The following COG3 variants were observed in gnomAD, a reference collection of about 807,000 sequenced individuals.
COG3 encodes component of oligomeric golgi complex 3.
In COG3, 32 loss-of-function variants were observed where a neutral mutation model predicts 114.1. The observed-to-expected ratio is 0.28, with a 90% confidence interval of 0.21 to 0.38. The LOEUF (loss-of-function observed/expected upper bound fraction) is 0.38, where lower values mean the gene tolerates loss of function less well. COG3 is among the 10% of genes least tolerant of loss of function. The pLI is 1.00. For synonymous variants in COG3, 352 were observed against 365.7 expected, an observed-to-expected ratio of 0.96 and a Z score of 0.43; for missense variants, 813 against 973.2, an observed-to-expected ratio of 0.84 and a Z score of 2.19.
At chr13:45,470,512 T>C (rs537868515) in intron 1 of COG3, among the ~76,000 whole-genome samples, 11 of 152,354 alleles carry the variant, frequency 7.2e-5, no homozygotes, top group African/African-American at 2.6e-4. Flanking sequence ...TGAACTCTGA[T>C]GGGAGAATAT....
intron 15 of COG3, among the ~76,000 whole-genome samples, chr13:45,510,760 C>T (rs141379969): frequency 2.0e-5 from 3 of 152,210 alleles, no homozygotes; most frequent in East Asian, 1.9e-4. Flanking sequence ...TTAGTCTTAC[C>T]GATCAAAGGT....
chr13:45,478,938 A>AG, intron 2 of COG3, 67 bp from the exon 3 acceptor site: 1 of 1,084,636 alleles, frequency 9.2e-7, no homozygotes, highest in Non-Finnish European at 1.4e-6. Flanking sequence ...CTTGCTGCTT[A>AG]GCATGTAGCC....
rs1164799114 is a variant in COG3, at chr13:45,535,309, TTGATG to T, written c.*582_*586del. 1.2e-5 allele frequency: 12 copies of T among 985,274 alleles called. No homozygotes were observed. The highest frequency in any genetic ancestry group is 1.3e-5 in the Non-Finnish European group (11 of 829,956). 61.0% of individuals were successfully genotyped at this position (985,274 alleles called of 1,614,324 possible). A position where few individuals can be genotyped will look rare whatever the true frequency, so the allele number is the denominator to read the frequency against. Reference sequence around the variant, plus strand: ...GTCGGGGTGTCATCCTTTCCTCTGTTTGATGTGAGGTAGTTTAAAGATACAAGGAC... The same window carrying T: ...GTCGGGGTGTCATCCTTTCCTCTGTTTGAGGTAGTTTAAAGATACAAGGAC... On this transcript the variant is annotated 3_prime_UTR_variant, in exon 23 of 23. Coordinates refer to ENST00000349995, the MANE Select transcript of COG3 (RefSeq NM_031431.4).
chr13:45,504,106 G>T (rs146190941), intron 14 of COG3, among the ~76,000 whole-genome samples: 2 of 152,062 alleles, frequency 1.3e-5, no homozygotes, highest in African/African-American at 4.8e-5. Flanking sequence ...GCCCTAAAGC[G>T]TAGCTCCCCA....
intron 19 of COG3, among the ~76,000 whole-genome samples, chr13:45,522,755 A>G (rs1258842073): frequency 1.3e-5 from 2 of 152,240 alleles, no homozygotes; most frequent in African/African-American, 2.4e-5. Flanking sequence ...GTAGAGGCTC[A>G]TATGAAAACA....
At chr13:45,521,939 A>T (rs1872198543) in intron 19 of COG3, among the ~76,000 whole-genome samples, 1 of 151,720 alleles carries the variant, frequency 6.6e-6, no homozygotes. Flanking sequence ...AGTAGCTGAG[A>T]TTACAGGTGT....
rs1293172037 is a variant in COG3, at chr13:45,481,138, C to CT, written c.550-91dup. 2.9e-5 allele frequency: 21 copies of CT among 722,212 alleles called. No individual in the cohort carries two copies. The African/African-American group carries it at 3.6e-4, about 12-fold the overall frequency. 44.7% of individuals were successfully genotyped at this position (722,212 alleles called of 1,614,324 possible). On this transcript the variant is annotated intron_variant, in intron 4 of 22. Coordinates refer to ENST00000349995, the MANE Select transcript of COG3 (RefSeq NM_031431.4). Reference sequence around the variant, plus strand: ...TCATATCTGATATAAACCTCTGTGTCTAATGTAAATCTGTTTAGTGTAACT... The same window carrying CT: ...TCATATCTGATATAAACCTCTGTGTCTTAATGTAAATCTGTTTAGTGTAACT...
At chr13:45,491,289 T>C in intron 9 of COG3, 123 bp from the exon 10 acceptor site, 2 of 896,308 alleles carry the variant, frequency 2.2e-6, no homozygotes, top group Non-Finnish European at 3.4e-6. Flanking sequence ...ATAGTTAATG[T>C]GGGCAAATGA....
intron 13 of COG3, among the ~76,000 whole-genome samples, chr13:45,502,033 G>C (rs1235249270): frequency 6.6e-6 from 1 of 152,138 alleles, no homozygotes; most frequent in African/African-American, 2.4e-5. Flanking sequence ...GCAGGCAGTG[G>C]GGGCTGTTTC....
chr13:45,480,259 A>G lies in COG3; in HGVS notation c.518A>G (p.His173Arg), dbSNP rs756904905. 5.6e-6 allele frequency: 9 copies of G among 1,613,652 alleles called. No individual in the cohort carries two copies. The Admixed American group carries it at 1.0e-4, about 18-fold the overall frequency. The part of the protein sequence containing the change: ...LFVSNKTGTL[H>R]EACEQLLKEQ... ...GTGTCCAATAAGACAGGAACCCTAC[A>G]TGAAGCCTGTGAACAGCTCCTAAAA... The change falls in exon 4 of 23, where the codon CAT (histidine) becomes CGT (arginine). Residue 173 changes from histidine (H) to arginine (R), a missense_variant. His to Arg is a conservative substitution (Grantham distance 29). Around this residue, in one of 2 missense-constraint regions of COG3, gnomAD observed 424 missense variants for 430.6 expected, o/e 0.98. Coordinates refer to ENST00000349995, the MANE Select transcript of COG3 (RefSeq NM_031431.4).
chr13:45,534,803 G>A lies in COG3; in HGVS notation c.*72G>A. The A allele has an allele frequency of 6.7e-7, 1 of 1,499,124 alleles. No individual in the cohort carries two copies. Among genetic ancestry groups the A allele is most frequent in the Non-Finnish European group, 8.9e-7 (1 of 1,125,906 alleles). The allele number at this position is 1,499,124 out of a possible 1,614,324, so 92.9% of individuals were successfully genotyped here. On this transcript the variant is annotated 3_prime_UTR_variant, in exon 23 of 23. Transcript: ENST00000349995. ...GGCTGAGAAGTCTTGCAGTCTGCAG[G>A]ACACCGAGGAATCGTATGTGGGAAC...
intron 13 of COG3, among the ~76,000 whole-genome samples, chr13:45,500,488 TATTTAGACTGCTTTTC>T (rs1323934976): frequency 1.3e-5 from 2 of 152,246 alleles, no homozygotes; most frequent in Non-Finnish European, 2.9e-5. Flanking sequence ...ATCCTGTTTC[TATTTAGACTGCTTTTC>T]TTGGATGTCA....
rs568623334 is a variant in COG3 at position 45,489,073 on chromosome 13, G to C, written c.925-1842G>C. On this transcript the variant is annotated intron_variant, in intron 8 of 22. Coordinates refer to ENST00000349995, the MANE Select transcript of COG3 (RefSeq NM_031431.4). ...CACGGTGGTGTGCACCTGTGGTCCGGCTACTTGGGAGGCTGAGGTGGGAGG... is the reference window on the plus strand; with the variant it reads ...CACGGTGGTGTGCACCTGTGGTCCGCCTACTTGGGAGGCTGAGGTGGGAGG... Among the ~76,000 whole-genome samples the C allele has an allele frequency of 1.4e-4, 21 of 150,952 alleles. No homozygotes were observed. In the South Asian group the frequency reaches 2.3e-3, roughly 17 times the overall value.
At chr13:45,468,161 A>G (rs1191650014) in intron 1 of COG3, among the ~76,000 whole-genome samples, 1 of 152,222 alleles carries the variant, frequency 6.6e-6, no homozygotes, top group Non-Finnish European at 1.5e-5. Context: ...ACATTTACCT[A>G]TAATTTACTG....
chr13:45,493,556 T>A, intron 12 of COG3, 70 bp downstream of exon 12: 2 of 1,389,120 alleles, frequency 1.4e-6, no homozygotes, highest in East Asian at 4.6e-5. Flanking sequence ...AAATAAGTGC[T>A]TCTTCCCTCA....
intron 7 of COG3, among the ~76,000 whole-genome samples, chr13:45,486,238 C>A (rs373434371): frequency 6.9e-6 from 1 of 143,894 alleles, no homozygotes; most frequent in Admixed American, 6.7e-5. Context: ...TGCAGTGAGC[C>A]GAGATGGCAG....
Position 45,481,298 on chromosome 13 carries a change from TAACAC to T in COG3, c.620_624del (p.Asn207LysfsTer11), listed in dbSNP as rs1352148782. The T allele has an allele frequency of 1.3e-6, 2 of 1,532,504 alleles. No homozygotes were observed. Among genetic ancestry groups the T allele is most frequent in the Admixed American group, 3.4e-5 (2 of 58,974 alleles). 94.9% of individuals were successfully genotyped at this position (1,532,504 alleles called of 1,614,324 possible). ...CCTATTTTAACGAATTGGAAACTAT[TAACAC>T]AGTAAGCATTGTTCTTTACTTCTTA... On this transcript the variant is annotated frameshift_variant and splice_region_variant, in exon 5 of 23. Coordinates refer to ENST00000349995, the MANE Select transcript of COG3 (RefSeq NM_031431.4). LOFTEE classifies it high-confidence loss of function.
chr13:45,478,478 C>CT (rs1056369964), intron 2 of COG3, among the ~76,000 whole-genome samples: 76 of 139,820 alleles, frequency 5.4e-4, no homozygotes, highest in Admixed American at 8.6e-4. Flanking sequence ...CGCGCCCAGC[C>CT]TTTTTTTTTT....
chr13:45,465,493 G>A (rs1885082735), intron 1 of COG3: 4 of 431,676 alleles, frequency 9.3e-6, no homozygotes, highest in South Asian at 2.9e-5. Flanking sequence ...CGGTTGGCCC[G>A]GAGCCTTGCA....
Sources: allele counts gnomAD v4.1 joint callset (sites outside exome capture counted in the v4.1 genomes callset), GRCh38; gene constraint gnomAD v4.1.1; regional missense constraint gnomAD v4.1.1; transcripts MANE v1.5; gene names NCBI Gene and HGNC (gene_info 2026-07-23, HGNC 2026-07-21).